The following TMEM254 variants were observed in gnomAD, a reference collection of about 807,000 sequenced individuals.
TMEM254 encodes the protein transmembrane protein 254.
In TMEM254, 16 loss-of-function variants were observed where a neutral mutation model predicts 13.9. The ratio of observed to expected loss-of-function variants is 1.15; its 90% confidence interval spans 0.78 to 1.75. The LOEUF (loss-of-function observed/expected upper bound fraction) is 1.75, where lower values mean the gene tolerates loss of function less well. TMEM254 is among the 40% of genes most tolerant of loss of function. The pLI is 0.00. For missense variants in TMEM254, 155 were observed against 149.0 expected, an observed-to-expected ratio of 1.04 and a Z score of -0.21; for synonymous variants, 61 against 56.4, an observed-to-expected ratio of 1.08 and a Z score of -0.36.
chr10:80,085,100 G>A (rs1311420838), intron 3 of TMEM254, among the ~76,000 whole-genome samples: 3 of 152,078 alleles, frequency 2.0e-5, no homozygotes, highest in Non-Finnish European at 2.9e-5. Flanking sequence ...GATTACAGAC[G>A]TGAGCCACCG....
chr10:80,081,820 G>A (rs1242473328), intron 1 of TMEM254, 21 bp from the exon 2 acceptor site: 1 of 1,613,922 alleles, frequency 6.2e-7, no homozygotes, highest in Admixed American at 1.7e-5. Flanking sequence ...TAGGTATTCT[G>A]TGTCTCTGCT....
At chr10:80,085,366 C>T (rs1303562182) in intron 3 of TMEM254, among the ~76,000 whole-genome samples, 5 of 151,616 alleles carry the variant, frequency 3.3e-5, no homozygotes, top group Admixed American at 2.6e-4. Flanking sequence ...TCGAGACCAG[C>T]GTGCCCAACA....
At chr10:80,080,211 C>A (rs533420857) in intron 1 of TMEM254, among the ~76,000 whole-genome samples, 1 of 152,270 alleles carries the variant, frequency 6.6e-6, no homozygotes, top group Non-Finnish European at 1.5e-5. Context: ...TCCCCTTTCC[C>A]TTTGGTTTGG....
At chr10:80,082,111 C>T in intron 2 of TMEM254, 34 bp from the exon 3 acceptor site, 1 of 1,612,516 alleles carries the variant, frequency 6.2e-7, no homozygotes, top group Non-Finnish European at 8.5e-7. Context: ...ATAACTATCA[C>T]CTTAAAAAAG....
At chr10:80,078,966 G>T (rs530134171) in intron 1 of TMEM254, 180 bp downstream of exon 1, 17 of 1,535,974 alleles carry the variant, frequency 1.1e-5, no homozygotes, top group Non-Finnish European at 1.5e-5. Flanking sequence ...ATACTGGTCC[G>T]CCAGGGTCTT....
At position 80,081,888 on chromosome 10, in the gene TMEM254, C is replaced by T. The variant is rs751612833; in HGVS notation, c.135C>T (p.Pro45=). ...PQSIPYQNLG[P]LGPFTQYLVD... The stretch of plus-strand genomic sequence containing the variant: ...GTATCCCTTATCAGAACCTTGGGCC[C>T]CTGGGCCCCTTCACTCAGTACTTGG... The change falls in exon 2 of 4, where the codon CCC becomes CCT. Residue 45 remains proline (P), a synonymous_variant. Transcript: ENST00000372281. 1 of 1,614,174 alleles carries T rather than the reference C, an allele frequency of 6.2e-7. No homozygotes were observed. Among genetic ancestry groups the T allele is most frequent in the Non-Finnish European group, 8.5e-7 (1 of 1,180,022 alleles).
chr10:80,082,166 T>G lies in TMEM254; in HGVS notation c.213T>G (p.Ile71Met). The G allele has an allele frequency of 1.2e-6, 2 of 1,614,186 alleles. No individual in the cohort carries two copies. The highest frequency in any genetic ancestry group is 1.7e-6 in the Non-Finnish European group (2 of 1,180,024). The change falls in exon 3 of 4, where the codon ATT (isoleucine) becomes ATG (methionine). Residue 71 changes from isoleucine (I) to methionine (M), a missense_variant. By Grantham distance (10) the Ile-to-Met change is conservative. Coordinates refer to ENST00000372281, the MANE Select transcript of TMEM254 (RefSeq NM_025125.4). ...LCNGYWLAWL[I>M]HVGESLYAIV... ...TCAGGTATTGGCTTGCCTGGCTGAT[T>G]CATGTGGGAGAGTCCTTGTATGCCA... is the stretch of plus-strand genomic sequence containing the variant.
At chr10:80,081,985 C>G (rs1844059469) in intron 2 of TMEM254, 41 bp downstream of exon 2, 1 of 1,601,218 alleles carries the variant, frequency 6.2e-7, no homozygotes, top group African/African-American at 1.3e-5. Context: ...CACTGGAGCT[C>G]TGGTCTCATG....
intron 3 of TMEM254, among the ~76,000 whole-genome samples, chr10:80,089,189 A>G (rs1288540029): frequency 2.0e-5 from 3 of 152,072 alleles, no homozygotes; most frequent in Non-Finnish European, 4.4e-5. Context: ...CCTTTTATTT[A>G]TGTTTCTTCC....
At chr10:80,078,971 G>C in intron 1 of TMEM254, 185 bp downstream of exon 1, 2 of 1,537,964 alleles carry the variant, frequency 1.3e-6, no homozygotes, top group South Asian at 2.4e-5. Flanking sequence ...GGTCCGCCAG[G>C]GTCTTGGGCG....
intron 1 of TMEM254, chr10:80,081,543 G>A (rs565436893): frequency 2.4e-5 from 17 of 714,532 alleles, no homozygotes; most frequent in African/African-American, 1.1e-4. Context: ...TGGCACACAC[G>A]TGTAGTCCCA....
chr10:80,082,075 A>G (rs926838406), intron 2 of TMEM254, 70 bp from the exon 3 acceptor site: 1 of 1,591,488 alleles, frequency 6.3e-7, no homozygotes, highest in African/African-American at 1.3e-5. Context: ...TCTTTTTGAG[A>G]TTGCTGTGTT....
At chr10:80,086,800 G>GCT (rs1844338342) in intron 3 of TMEM254, among the ~76,000 whole-genome samples, 1 of 144,884 alleles carries the variant, frequency 6.9e-6, no homozygotes, top group African/African-American at 2.6e-5. Flanking sequence ...GAGATCGCAC[G>GCT]ACTGCACTCC....
chr10:80,085,658 A>G (rs1347624868), intron 3 of TMEM254, among the ~76,000 whole-genome samples: 1 of 152,150 alleles, frequency 6.6e-6, no homozygotes, highest in Non-Finnish European at 1.5e-5. Context: ...TAAAAAGGGT[A>G]TCTAGCCATT....
At chr10:80,080,634 G>C (rs979961557) in intron 1 of TMEM254, among the ~76,000 whole-genome samples, 2 of 152,144 alleles carry the variant, frequency 1.3e-5, no homozygotes. Context: ...TAATGGTTTT[G>C]GTGGAATGTA....
intron 3 of TMEM254, chr10:80,090,274 TA>T (rs1227265017): frequency 6.0e-6 from 4 of 667,170 alleles, no homozygotes; most frequent in African/African-American, 1.8e-5. Flanking sequence ...AGCAGGTGTT[TA>T]TCATGACTGT....
intron 3 of TMEM254, chr10:80,090,545 A>G (rs1844531426): frequency 1.5e-6 from 1 of 684,142 alleles, no homozygotes; most frequent in Admixed American, 2.2e-5. Flanking sequence ...AAACAGTCTT[A>G]TAATACTGTG....
At chr10:80,080,442 CA>C (rs1324591993) in intron 1 of TMEM254, among the ~76,000 whole-genome samples, 1 of 152,168 alleles carries the variant, frequency 6.6e-6, no homozygotes, top group Non-Finnish European at 1.5e-5. Flanking sequence ...TAAAATGTCA[CA>C]ACCTTATCTC....
At chr10:80,080,719 G>A (rs1228713335) in intron 1 of TMEM254, among the ~76,000 whole-genome samples, 2 of 151,818 alleles carry the variant, frequency 1.3e-5, no homozygotes, top group Non-Finnish European at 2.9e-5. Flanking sequence ...CGGGCAAATC[G>A]CTTGAGCCCA....
Sources: gnomAD v4.1 joint callset for allele counts (sites outside exome capture counted in the v4.1 genomes callset) on GRCh38, gnomAD v4.1.1 for gene constraint, MANE v1.5 for transcripts, NCBI Gene and HGNC (gene_info 2026-07-23, HGNC 2026-07-21) for gene names.